FOXP2: variants seen among roughly 807,000 people sequenced by gnomAD.
FOXP2 encodes the protein forkhead box P2, also known as forkhead box protein P2.
In FOXP2, 12 loss-of-function variants were observed where a neutral mutation model predicts 115.8. That is an observed-to-expected ratio of 0.10 (90% CI 0.07 to 0.17). The LOEUF is 0.17. Among genes scored for constraint, FOXP2 ranks in the 10% least tolerant of loss-of-function variants. The pLI is 1.00. For missense variants in FOXP2, 629 were observed against 843.5 expected, an observed-to-expected ratio of 0.75 and a Z score of 3.15; for synonymous variants, 328 against 297.7, an observed-to-expected ratio of 1.10 and a Z score of -1.05.
At chr7:114,537,541 G>T (rs1799457186) in intron 3 of FOXP2, among the ~76,000 whole-genome samples, 1 of 151,494 alleles carries the variant, frequency 6.6e-6, no homozygotes, top group African/African-American at 2.4e-5. Flanking sequence ...GTTAAGAAGT[G>T]GTGGCCAGAT....
At chr7:114,095,657 C>T (rs1459051167) in intron 1 of FOXP2, among the ~76,000 whole-genome samples, 1 of 152,150 alleles carries the variant, frequency 6.6e-6, no homozygotes, top group Non-Finnish European at 1.5e-5. Context: ...CTATCATTAC[C>T]ATCCATAAAT....
intron 6 of FOXP2, among the ~76,000 whole-genome samples, chr7:114,633,275 G>A (rs1805019428): frequency 6.6e-6 from 1 of 152,046 alleles, no homozygotes; most frequent in Non-Finnish European, 1.5e-5. Flanking sequence ...TCTGAACAAT[G>A]AAATTTATAA....
chr7:114,179,055 C>T (rs1255254497), intron 1 of FOXP2, among the ~76,000 whole-genome samples: 1 of 151,902 alleles, frequency 6.6e-6, no homozygotes, highest in Non-Finnish European at 1.5e-5. Flanking sequence ...TTGCCAGCAT[C>T]TTAACTTTTC....
intron 3 of FOXP2, among the ~76,000 whole-genome samples, chr7:114,615,757 G>C (rs1803914739): frequency 6.6e-6 from 1 of 152,152 alleles, no homozygotes; most frequent in Non-Finnish European, 1.5e-5. Flanking sequence ...CGGGTCCCTT[G>C]CTGAGGTCTG....
At chr7:114,637,917 G>A (rs1245644400) in intron 6 of FOXP2, among the ~76,000 whole-genome samples, 1 of 152,086 alleles carries the variant, frequency 6.6e-6, no homozygotes, top group Admixed American at 6.6e-5. Flanking sequence ...GATAATAATG[G>A]TTTGGGGTAT....
intron 1 of FOXP2, among the ~76,000 whole-genome samples, chr7:114,260,623 T>C (rs78095975): frequency 0.042 from 6,337 of 152,248 alleles, 327 homozygotes; most frequent in African/African-American, 0.12. Flanking sequence ...ACAAACATTT[T>C]CTTTTAATAA....
chr7:114,221,650 G>T (rs907682336), intron 1 of FOXP2, among the ~76,000 whole-genome samples: 3 of 151,998 alleles, frequency 2.0e-5, no homozygotes, highest in African/African-American at 7.3e-5. Flanking sequence ...GCTGTATACT[G>T]TACTAAAGCA....
chr7:114,405,432 A>G (rs995911734), intron 2 of FOXP2, among the ~76,000 whole-genome samples: 2 of 151,884 alleles, frequency 1.3e-5, no homozygotes. Context: ...GTTCATGTAT[A>G]TTGGACCTGA....
intron 9 of FOXP2, chr7:114,653,553 C>T: frequency 3.0e-6 from 1 of 332,050 alleles, no homozygotes; most frequent in Non-Finnish European, 5.9e-6. Flanking sequence ...GAACCCTTCA[C>T]CCCTTCACAG....
intron 3 of FOXP2, among the ~76,000 whole-genome samples, chr7:114,625,970 T>C (rs573805300): frequency 6.6e-6 from 1 of 151,906 alleles, no homozygotes; most frequent in Non-Finnish European, 1.5e-5. Context: ...GTTAATTGGC[T>C]CATCTTTCTA....
rs565307065 is a variant in FOXP2, at chr7:114,525,830, G to A, written c.169-8787G>A. 3.3e-5 allele frequency among the ~76,000 whole-genome samples: 5 copies of A among 152,106 alleles called. No individual in the cohort carries two copies. The East Asian group carries it at 9.7e-4, about 30-fold the overall frequency. On this transcript the variant is annotated intron_variant, in intron 2 of 16. Transcript: ENST00000350908. ...TTTCTTATTAAAACTTACGATTTTTGGCCAGGCGTGGTGGCCCATGCCTGT... is the reference window on the plus strand; with the variant it reads ...TTTCTTATTAAAACTTACGATTTTTAGCCAGGCGTGGTGGCCCATGCCTGT...
chr7:114,664,418 G>T lies in FOXP2; in HGVS notation c.1985G>T (p.Cys662Phe). 1 of 1,613,426 alleles carries T rather than the reference G, an allele frequency of 6.2e-7. No homozygotes were observed. Among genetic ancestry groups the T allele is most frequent in the Non-Finnish European group, 8.5e-7 (1 of 1,179,618 alleles). ...AGCAATGGAAACAGTAGTCCGGGCT[G>T]CTCACCTCAGCCGCACATGTAAGTG... ...IDSNGNSSPG[C>F]SPQPHIHSIH... The change falls in exon 16 of 17, where the codon TGC becomes TTC. Residue 662 changes from cysteine to phenylalanine, a missense_variant. Physicochemically the swap from Cys to Phe is radical, Grantham distance 205. Around this residue, in one of 9 missense-constraint regions of FOXP2, gnomAD observed 117 missense variants for 112.3 expected, o/e 1.04. Coordinates refer to ENST00000350908, the MANE Select transcript of FOXP2 (RefSeq NM_014491.4).
chr7:114,484,221 T>C (rs1584792881), intron 2 of FOXP2, among the ~76,000 whole-genome samples: 2 of 151,666 alleles, frequency 1.3e-5, no homozygotes, highest in East Asian at 3.9e-4. Flanking sequence ...AGATTAGAAT[T>C]CTCTGTGATA....
intron 3 of FOXP2, among the ~76,000 whole-genome samples, chr7:114,604,606 C>A (rs145602538): frequency 6.6e-6 from 1 of 152,078 alleles, no homozygotes; most frequent in African/African-American, 2.4e-5. Context: ...ATATGGTTTT[C>A]TTCATTTTTA....
intron 1 of FOXP2, among the ~76,000 whole-genome samples, chr7:114,273,829 AT>A (rs1227587715): frequency 6.6e-6 from 1 of 151,974 alleles, no homozygotes; most frequent in Non-Finnish European, 1.5e-5. Flanking sequence ...GTGTCTTTAT[AT>A]TTATTTAAAG....
At chr7:114,272,061 A>T (rs967973237) in intron 1 of FOXP2, among the ~76,000 whole-genome samples, 1 of 142,592 alleles carries the variant, frequency 7.0e-6, no homozygotes, top group Non-Finnish European at 1.5e-5. Context: ...AAATATATAA[A>T]ATATATAAAT....
At chr7:114,241,739 G>A (rs975055239) in intron 1 of FOXP2, among the ~76,000 whole-genome samples, 3 of 94,628 alleles carry the variant, frequency 3.2e-5, no homozygotes, top group African/African-American at 1.0e-4. Context: ...AAGATTTGAA[G>A]CCACGTATTT....
chr7:114,187,822 A>C (rs1793652381), intron 1 of FOXP2, among the ~76,000 whole-genome samples: 1 of 152,166 alleles, frequency 6.6e-6, no homozygotes, highest in South Asian at 2.1e-4. Context: ...TGAGGCTCAA[A>C]ATATTAATAT....
At chr7:114,356,054 C>G (rs963608483) in intron 2 of FOXP2, among the ~76,000 whole-genome samples, 6 of 152,148 alleles carry the variant, frequency 3.9e-5, no homozygotes, top group Admixed American at 6.6e-5. Flanking sequence ...ATCTTCATCG[C>G]TATTATTACC....
Sources: allele counts gnomAD v4.1 joint callset (sites outside exome capture counted in the v4.1 genomes callset), GRCh38; gene constraint gnomAD v4.1.1; regional missense constraint gnomAD v4.1.1; transcripts MANE v1.5; gene names NCBI Gene and HGNC (gene_info 2026-07-23, HGNC 2026-07-21).